The following LUZP2 variants were observed in gnomAD, a reference collection of about 807,000 sequenced individuals.
LUZP2 encodes the protein leucine zipper protein 2.
Under a neutral mutation model 51.6 loss-of-function variants are expected in LUZP2, and 52 were observed. That is an observed-to-expected ratio of 1.01 (90% CI 0.81 to 1.27). The LOEUF (loss-of-function observed/expected upper bound fraction) is 1.27, where lower values mean the gene tolerates loss of function less well. Ranked by LOEUF, LUZP2 falls within the 50% of genes most tolerant of loss-of-function variation. The pLI is 0.00. For synonymous variants in LUZP2, 154 were observed against 137.3 expected, an observed-to-expected ratio of 1.12 and a Z score of -0.85; for missense variants, 436 against 395.4, an observed-to-expected ratio of 1.10 and a Z score of -0.87.
At position 25,028,140 on chromosome 11, in the gene LUZP2, C is replaced by A. The variant is rs118093133; in HGVS notation, c.766-21898C>A. ...GACATTTTGATACAAGCATACAATG[C>A]GTAATAGTCACATCAGGGTAAATGG... On this transcript the variant is annotated intron_variant, in intron 9 of 11. Transcript: ENST00000336930. 2.0e-3 allele frequency among the ~76,000 whole-genome samples: 307 copies of A among 152,148 alleles called. 3 individuals carry two copies. Among genetic ancestry groups the A allele is most frequent in the African/African-American group, 6.9e-3 (288 of 41,508 alleles).
intron 5 of LUZP2, among the ~76,000 whole-genome samples, chr11:24,860,391 C>A (rs1264905406): frequency 1.3e-5 from 2 of 152,124 alleles, no homozygotes; most frequent in African/African-American, 4.8e-5. Flanking sequence ...ATCTGGGCAG[C>A]CCAGATGAGT....
chr11:24,508,322 T>C (rs1286808938), intron 1 of LUZP2, among the ~76,000 whole-genome samples: 1 of 152,176 alleles, frequency 6.6e-6, no homozygotes, highest in Non-Finnish European at 1.5e-5. Context: ...AATAAATAAG[T>C]AGCCAAAATT....
chr11:24,527,126 A>C (rs1254566867), intron 1 of LUZP2, among the ~76,000 whole-genome samples: 1 of 151,434 alleles, frequency 6.6e-6, no homozygotes, highest in African/African-American at 2.4e-5. Context: ...TTTCTTTGAC[A>C]TTGGGAAGAA....
intron 7 of LUZP2, among the ~76,000 whole-genome samples, chr11:24,922,481 T>C (rs1292171507): frequency 6.6e-6 from 1 of 152,218 alleles, no homozygotes; most frequent in East Asian, 1.9e-4. Context: ...TCTGTCTCAT[T>C]AATTTAAACT....
At chr11:24,927,838 T>G (rs528268266) in intron 7 of LUZP2, among the ~76,000 whole-genome samples, 1 of 152,228 alleles carries the variant, frequency 6.6e-6, no homozygotes, top group South Asian at 2.1e-4. Flanking sequence ...GGTATGGTCA[T>G]TATCACGATA....
chr11:24,739,125 G>T (rs1233805844), intron 4 of LUZP2, among the ~76,000 whole-genome samples: 3 of 152,048 alleles, frequency 2.0e-5, no homozygotes, highest in Non-Finnish European at 2.9e-5. Flanking sequence ...GGCCACACGG[G>T]GAGGCACCCA....
At chr11:24,746,713 TA>T (rs1859394656) in intron 4 of LUZP2, among the ~76,000 whole-genome samples, 1 of 152,226 alleles carries the variant, frequency 6.6e-6, no homozygotes, top group Non-Finnish European at 1.5e-5. Context: ...TTGCTCAGCA[TA>T]ATCCCAGACT....
At chr11:25,012,327 G>A (rs1235637220) in intron 9 of LUZP2, among the ~76,000 whole-genome samples, 2 of 152,058 alleles carry the variant, frequency 1.3e-5, no homozygotes, top group South Asian at 2.1e-4. Flanking sequence ...TCATCTCCCT[G>A]ACTTAAATCT....
intron 5 of LUZP2, among the ~76,000 whole-genome samples, chr11:24,897,560 C>T (rs1180648611): frequency 6.6e-6 from 1 of 152,088 alleles, no homozygotes; most frequent in Admixed American, 6.6e-5. Flanking sequence ...TCTGCAGTTT[C>T]ACTCCTGAAG....
intron 1 of LUZP2, among the ~76,000 whole-genome samples, chr11:24,710,964 G>A (rs560801949): frequency 8.0e-5 from 12 of 150,084 alleles, no homozygotes; most frequent in African/African-American, 3.0e-4. Flanking sequence ...AGGGAGGGAG[G>A]GGAGGGGAGG....
intron 1 of LUZP2, among the ~76,000 whole-genome samples, chr11:24,570,529 T>C (rs1315988140): frequency 6.6e-6 from 1 of 152,044 alleles, no homozygotes; most frequent in African/African-American, 2.4e-5. Flanking sequence ...TTTTTTAAAT[T>C]GGGAAATTTA....
chr11:24,927,995 A>C (rs896570403), intron 7 of LUZP2, among the ~76,000 whole-genome samples: 6 of 151,642 alleles, frequency 4.0e-5, no homozygotes, highest in African/African-American at 7.3e-5. Flanking sequence ...TTTTTCTTGC[A>C]GCTATTGTAA....
At chr11:24,638,478 ATTGT>A (rs1248307994) in intron 1 of LUZP2, among the ~76,000 whole-genome samples, 2 of 151,726 alleles carry the variant, frequency 1.3e-5, no homozygotes, top group African/African-American at 4.9e-5. Context: ...TAGGGAAAAA[ATTGT>A]TTGACAAAAT....
At chr11:24,744,320 T>C (rs901154966) in intron 4 of LUZP2, among the ~76,000 whole-genome samples, 1 of 152,178 alleles carries the variant, frequency 6.6e-6, no homozygotes, top group Non-Finnish European at 1.5e-5. Flanking sequence ...GGTGGAATTC[T>C]GCTGTGAATC....
At chr11:24,950,369 A>G (rs779789532) in intron 7 of LUZP2, among the ~76,000 whole-genome samples, 1 of 151,672 alleles carries the variant, frequency 6.6e-6, no homozygotes, top group Non-Finnish European at 1.5e-5. Flanking sequence ...CTTAGAAGAG[A>G]TTTAATTTAT....
At chr11:24,520,081 A>G (rs1185680272) in intron 1 of LUZP2, among the ~76,000 whole-genome samples, 3 of 152,230 alleles carry the variant, frequency 2.0e-5, no homozygotes, top group African/African-American at 7.2e-5. Context: ...ATGGCATAAT[A>G]AAGCATAAAA....
intron 1 of LUZP2, among the ~76,000 whole-genome samples, chr11:24,721,043 C>T (rs956105367): frequency 6.6e-6 from 1 of 152,158 alleles, no homozygotes; most frequent in Admixed American, 6.5e-5. Context: ...TACTTTTTCA[C>T]ATGGCCAATA....
At chr11:25,027,595 G>A (rs2404017) in intron 9 of LUZP2, among the ~76,000 whole-genome samples, 2 of 151,924 alleles carry the variant, frequency 1.3e-5, no homozygotes, top group Non-Finnish European at 2.9e-5. Context: ...ATTTAGGTCG[G>A]GCACAGTGGC....
In LUZP2 at chr11:24,810,305, G is replaced by T. The variant is rs59782895; in HGVS notation, c.396+46997G>T. The stretch of plus-strand genomic sequence containing the variant: ...TTTTCCTGTCATATTTAGCATATAA[G>T]TTGAGCCATAGAATATTGCCATTTT... On this transcript the variant is annotated intron_variant, in intron 5 of 11. Coordinates refer to ENST00000336930, the MANE Select transcript of LUZP2 (RefSeq NM_001009909.4). 5.4e-3 allele frequency among the ~76,000 whole-genome samples: 824 copies of T among 152,104 alleles called. 9 individuals carry two copies. Among genetic ancestry groups the T allele is most frequent in the African/African-American group, 0.019 (786 of 41,510 alleles).
Sources: gnomAD v4.1 joint callset for allele counts (sites outside exome capture counted in the v4.1 genomes callset) on GRCh38, gnomAD v4.1.1 for gene constraint, MANE v1.5 for transcripts, NCBI Gene and HGNC (gene_info 2026-07-23, HGNC 2026-07-21) for gene names.